ATF7: variants seen among roughly 807,000 people sequenced by gnomAD.
ATF7 encodes cyclic AMP-dependent transcription factor ATF-7.
A neutral mutation model predicts 50.4 loss-of-function variants in ATF7; 10 were observed. The observed-to-expected ratio is 0.20, with a 90% CI of 0.12 to 0.34. The LOEUF is 0.34. ATF7 is among the 10% of genes least tolerant of loss of function. The pLI is 1.00. For synonymous variants in ATF7, 201 were observed against 226.4 expected, an observed-to-expected ratio of 0.89 and a Z score of 1.01; for missense variants, 465 against 613.9, an observed-to-expected ratio of 0.76 and a Z score of 2.56.
At chr12:53,542,221 C>A (rs1939608832) in intron 4 of ATF7, among the ~76,000 whole-genome samples, 1 of 148,734 alleles carries the variant, frequency 6.7e-6, no homozygotes, top group Admixed American at 6.8e-5. Flanking sequence ...GTCAGGAGAT[C>A]GAGACCATCC....
Position 53,524,701 on chromosome 12 carries a change from C to T in ATF7, c.988G>A (p.Asp330Asn), listed in dbSNP as rs747223058. Residue 330 changes from aspartate (D) to asparagine (N), a missense_variant, in exon 10 of 12, where the codon GAT becomes AAT. Coordinates refer to ENST00000420353, the MANE Select transcript of ATF7 (RefSeq NM_006856.3). The surrounding 1 kb of genome is among the most constrained non-coding windows in gnomAD (Gnocchi z 4.6). ...GGRRRRTVDE[D>N]PDERRQRFLE... The stretch of plus-strand genomic sequence containing the variant: ...AAGCGCTGCCGTCGCTCATCTGGAT[C>T]TTCATCTACTGTGCGCCGCCGTCGC... The T allele has an allele frequency of 1.1e-5, 18 of 1,613,304 alleles. No homozygotes were observed. The highest frequency in any genetic ancestry group is 4.0e-5 in the African/African-American group (3 of 75,036).
In ATF7 at chr12:53,525,074, ACCGG is replaced by A; in HGVS notation, c.928-317_928-314del. The A allele has an allele frequency of 1.2e-5, 3 of 244,010 alleles. No homozygotes were observed. The South Asian group carries it at 2.3e-4, about 19-fold the overall frequency. 15.1% of individuals were successfully genotyped at this position (244,010 alleles called of 1,614,324 possible). ...TGTTTCTTAACAATACGGAATCTTG[ACCGG>A]CACAGTGGCTCGCGCCTGTAATCCC... is the stretch of plus-strand genomic sequence containing the variant. On this transcript the variant is annotated intron_variant, in intron 9 of 11. Coordinates refer to ENST00000420353, the MANE Select transcript of ATF7 (RefSeq NM_006856.3).
chr12:53,576,545 T>A (rs1404240863), intron 2 of ATF7, among the ~76,000 whole-genome samples: 1 of 152,190 alleles, frequency 6.6e-6, no homozygotes, highest in Non-Finnish European at 1.5e-5. Flanking sequence ...AACTGCCATG[T>A]GAGGACACAG....
At chr12:53,545,407 C>G (rs1939836761) in intron 3 of ATF7, among the ~76,000 whole-genome samples, 1 of 152,134 alleles carries the variant, frequency 6.6e-6, no homozygotes, top group Non-Finnish European at 1.5e-5. Context: ...GCAACCTCCG[C>G]CTCACCGTAA....
At chr12:53,528,658 G>A (rs1938645260) in intron 9 of ATF7, among the ~76,000 whole-genome samples, 1 of 152,166 alleles carries the variant, frequency 6.6e-6, no homozygotes, top group Non-Finnish European at 1.5e-5. Context: ...AGCTACTCAG[G>A]AGGCTGAGGC....
chr12:53,571,615 A>C (rs1011216312), intron 2 of ATF7, among the ~76,000 whole-genome samples: 1 of 151,228 alleles, frequency 6.6e-6, no homozygotes, highest in Non-Finnish European at 1.5e-5. Flanking sequence ...CAGCCTGGGC[A>C]ACACAGTGAG....
intron 2 of ATF7, among the ~76,000 whole-genome samples, chr12:53,564,604 T>C (rs1311544182): frequency 6.6e-6 from 1 of 152,166 alleles, no homozygotes; most frequent in Non-Finnish European, 1.5e-5. Context: ...ATTCCTCCTT[T>C]AAAAAATCGT....
intron 2 of ATF7, among the ~76,000 whole-genome samples, chr12:53,559,756 T>G (rs151246894): frequency 6.5e-4 from 99 of 152,060 alleles, no homozygotes; most frequent in Non-Finnish European, 1.2e-3. Flanking sequence ...CATAAACCTG[T>G]GTAATCACTA....
chr12:53,548,451 A>T (rs1034262882), intron 3 of ATF7, among the ~76,000 whole-genome samples: 3 of 151,504 alleles, frequency 2.0e-5, no homozygotes, highest in Non-Finnish European at 4.4e-5. Context: ...CCTGCCTCAG[A>T]CTCCCAAGTA....
Position 53,513,703 on chromosome 12 carries a change from T to C in ATF7, c.*3434A>G, listed in dbSNP as rs900774473. 5 of 151,998 alleles carry C rather than the reference T, an allele frequency of 3.3e-5. No homozygotes were observed. Among genetic ancestry groups the C allele is most frequent in the African/African-American group, 1.2e-4 (5 of 41,380 alleles). The allele number at this position is 151,998 out of a possible 1,614,324, so 9.4% of individuals were successfully genotyped here. On this transcript the variant is annotated 3_prime_UTR_variant, in exon 12 of 12. Coordinates refer to ENST00000420353, the MANE Select transcript of ATF7 (RefSeq NM_006856.3). ...GAAAAAAGGAGAAAACTGGCGGGGA[T>C]AGCTGTATCAGGGGCTAGCACCTTT...
intron 3 of ATF7, 59 bp downstream of exon 3, chr12:53,552,482 G>T: frequency 7.7e-7 from 1 of 1,298,458 alleles, no homozygotes. Flanking sequence ...TCTGGTCTCT[G>T]GTATTAATCT....
Position 53,516,895 on chromosome 12 carries a change from C to T in ATF7, c.*242G>A. 1 of 559,470 alleles carries T rather than the reference C, an allele frequency of 1.8e-6. No individual in the cohort carries two copies. The highest frequency in any genetic ancestry group is 3.2e-6 in the Non-Finnish European group (1 of 310,946). The allele number at this position is 559,470 out of a possible 1,614,324, so 34.7% of individuals were successfully genotyped here. A position where few individuals can be genotyped will look rare whatever the true frequency, so the allele number is the denominator to read the frequency against. On this transcript the variant is annotated 3_prime_UTR_variant, in exon 12 of 12. Transcript: ENST00000420353. ...CTGGAAAGGCCTTTGGCTGTGGATG[C>T]ATCAGAAACCCCACCCTGGGGGATG...
At chr12:53,624,240 C>T (rs748822909) in intron 1 of ATF7, among the ~76,000 whole-genome samples, 6 of 152,270 alleles carry the variant, frequency 3.9e-5, no homozygotes, top group African/African-American at 9.6e-5. Context: ...TTAATGCTAA[C>T]GGGTCAGCAA....
At chr12:53,523,240 G>C in intron 11 of ATF7, 36 bp downstream of exon 11, 1 of 1,416,354 alleles carries the variant, frequency 7.1e-7, no homozygotes, top group African/African-American at 1.4e-5. Context: ...GCAGTTTACT[G>C]ACTGACTGAC....
rs748958396 is a variant in ATF7, at chr12:53,517,117, C to T, written c.*20G>A. The stretch of plus-strand genomic sequence containing the variant: ...TGGGCGGGCGAGCTCTGGCTGAGGA[C>T]CTCTCCACCAGAGGAGGCATCATCT... On this transcript the variant is annotated 3_prime_UTR_variant, in exon 12 of 12. Coordinates refer to ENST00000420353, the MANE Select transcript of ATF7 (RefSeq NM_006856.3). 1.9e-6 allele frequency: 3 copies of T among 1,605,904 alleles called. No individual in the cohort carries two copies. Among genetic ancestry groups the T allele is most frequent in the Non-Finnish European group, 1.7e-6 (2 of 1,178,832 alleles).
downstream of ATF7, among the ~76,000 whole-genome samples, chr12:53,510,389 T>C (rs1944107648): frequency 6.6e-6 from 1 of 152,196 alleles, no homozygotes; most frequent in Admixed American, 6.5e-5. Context: ...AGATGGCTTT[T>C]CTGTGGGCAG....
downstream of ATF7, among the ~76,000 whole-genome samples, chr12:53,509,841 C>G (rs1055057954): frequency 1.3e-5 from 2 of 151,860 alleles, no homozygotes; most frequent in African/African-American, 4.8e-5. Context: ...GGGAAGCACC[C>G]CACTCTTTAA....
chr12:53,578,005 C>G (rs976050195), intron 2 of ATF7, among the ~76,000 whole-genome samples: 2 of 152,086 alleles, frequency 1.3e-5, no homozygotes, highest in Non-Finnish European at 2.9e-5. Context: ...AGAATTACAT[C>G]TAACCTCTCA....
rs190933727 is a variant in ATF7, at chr12:53,553,456, T to G, written c.49-819A>C. Reference sequence around the variant, plus strand: ...AGATGGTATAGAGATTTTATTTTTTTGGGATTTGGGTGAAAGGACAATGAA... The same window carrying G: ...AGATGGTATAGAGATTTTATTTTTTGGGGATTTGGGTGAAAGGACAATGAA... On this transcript the variant is annotated intron_variant, in intron 2 of 11. Coordinates refer to ENST00000420353, the MANE Select transcript of ATF7 (RefSeq NM_006856.3). Among the ~76,000 whole-genome samples, 77 of 152,304 alleles carry G rather than the reference T, an allele frequency of 5.1e-4. No individual in the cohort carries two copies. In the East Asian group the frequency reaches 0.012, roughly 23 times the overall value.
Sources: gnomAD v4.1 joint callset for allele counts (sites outside exome capture counted in the v4.1 genomes callset) on GRCh38, gnomAD v4.1.1 for gene constraint, Gnocchi (gnomAD v3.1) non-coding constraint, MANE v1.5 for transcripts, NCBI Gene and HGNC (gene_info 2026-07-23, HGNC 2026-07-21) for gene names.